Variants in PCGF5 observed in about 807,000 individuals in gnomAD.
PCGF5 encodes the protein polycomb group ring finger 5, also known as polycomb group RING finger protein 5.
A neutral mutation model predicts 44.3 loss-of-function variants in PCGF5; 9 were observed. That is an observed-to-expected ratio of 0.20 (90% CI 0.12 to 0.35). The LOEUF (loss-of-function observed/expected upper bound fraction) is 0.35, where lower values mean the gene tolerates loss of function less well. PCGF5 is among the 10% of genes least tolerant of loss of function. PCGF5 has a pLI of 1.00. For synonymous variants in PCGF5, 95 were observed against 102.5 expected, an observed-to-expected ratio of 0.93 and a Z score of 0.44; for missense variants, 146 against 305.3, an observed-to-expected ratio of 0.48 and a Z score of 3.89.
chr10:91,274,117 GTATATA>G (rs10686374), intron 9 of PCGF5, among the ~76,000 whole-genome samples: 3 of 151,382 alleles, frequency 2.0e-5, no homozygotes, highest in Non-Finnish European at 4.4e-5. Flanking sequence ...ATCTGTGTAT[GTATATA>G]TATATGTAAT....
intron 8 of PCGF5, among the ~76,000 whole-genome samples, chr10:91,271,364 A>G (rs1437586673): frequency 6.6e-6 from 1 of 152,208 alleles, no homozygotes; most frequent in African/African-American, 2.4e-5. Context: ...TAGTATTTGT[A>G]AAGGATATGG....
upstream of PCGF5, among the ~76,000 whole-genome samples, chr10:91,216,919 C>A (rs944686763): frequency 1.3e-5 from 2 of 152,148 alleles, no homozygotes; most frequent in African/African-American, 2.4e-5. Context: ...GTAATATTTT[C>A]TGTAATCTCT....
intron 6 of PCGF5, among the ~76,000 whole-genome samples, chr10:91,256,095 G>A (rs1479420386): frequency 6.6e-6 from 1 of 151,990 alleles, no homozygotes; most frequent in Non-Finnish European, 1.5e-5. Context: ...CCATACACAG[G>A]AAAAGAAGCA....
At position 91,281,086 on chromosome 10, in the gene PCGF5, T is replaced by C. The variant is rs988429847; in HGVS notation, c.*2770T>C. On this transcript the variant is annotated 3_prime_UTR_variant, in exon 10 of 10. Transcript: ENST00000336126. ...CTGTGGTTTATAAACATTACTTTAATTGAAGTAATCACATCAGTTAATAGA... is the reference window on the plus strand; with the variant it reads ...CTGTGGTTTATAAACATTACTTTAACTGAAGTAATCACATCAGTTAATAGA... 5.9e-5 allele frequency: 9 copies of C among 152,488 alleles called. No homozygotes were observed. The highest frequency in any genetic ancestry group is 1.9e-4 in the African/African-American group (8 of 41,438). 9.4% of individuals were successfully genotyped at this position (152,488 alleles called of 1,614,324 possible).
At position 91,223,000 on chromosome 10, in the gene PCGF5, G is replaced by A. The variant is rs1301019812; in HGVS notation, c.112+17G>A. 4.1e-6 allele frequency: 6 copies of A among 1,473,524 alleles called. No homozygotes were observed. Among genetic ancestry groups the A allele is most frequent in the Non-Finnish European group, 5.7e-6 (6 of 1,054,038 alleles). The allele number at this position is 1,473,524 out of a possible 1,614,324, so 91.3% of individuals were successfully genotyped here. The stretch of plus-strand genomic sequence containing the variant: ...TCCATACATGTAAGTATTCTTTTAG[G>A]TTATTATACCTATCAAAGTTTATAT... On this transcript the variant is annotated intron_variant, in intron 2 of 9. Transcript: ENST00000336126.
intron 1 of PCGF5, among the ~76,000 whole-genome samples, chr10:91,206,768 A>G (rs1323417359): frequency 2.0e-5 from 3 of 152,164 alleles, no homozygotes; most frequent in Admixed American, 2.0e-4. Flanking sequence ...TCCTGCCTCC[A>G]TGCCTTTGCC....
upstream of PCGF5, among the ~76,000 whole-genome samples, chr10:91,158,960 C>T (rs964883692): frequency 6.6e-6 from 1 of 152,184 alleles, no homozygotes; most frequent in African/African-American, 2.4e-5. Flanking sequence ...CCTTTCTCCC[C>T]TGGAACTTCA....
chr10:91,169,339 CTTTG>C (rs2133165227), intron 1 of PCGF5, among the ~76,000 whole-genome samples: 2 of 152,078 alleles, frequency 1.3e-5, no homozygotes, highest in East Asian at 3.9e-4. Context: ...AGAAATAAAC[CTTTG>C]TTTGAAGATG....
In PCGF5 at chr10:91,271,705, G is replaced by A; in HGVS notation, c.723+8G>A. The A allele has an allele frequency of 6.2e-7, 1 of 1,611,432 alleles. No individual in the cohort carries two copies. Among genetic ancestry groups the A allele is most frequent in the Non-Finnish European group, 8.5e-7 (1 of 1,177,716 alleles). On this transcript the variant is annotated splice_region_variant and intron_variant, in intron 9 of 9. Coordinates refer to ENST00000336126, the MANE Select transcript of PCGF5 (RefSeq NM_032373.5). ...GATGGCCCTTTGTATCAGGTAAGAG[G>A]CACTCACGACTGTACATATGACCAT...
chr10:91,217,792 G>A (rs188761102), upstream of PCGF5, among the ~76,000 whole-genome samples: 2 of 152,214 alleles, frequency 1.3e-5, no homozygotes, highest in Non-Finnish European at 2.9e-5. Flanking sequence ...GTTAATCTGT[G>A]TGTTTTTTCT....
chr10:91,213,633 T>C (rs1433910551), intron 1 of PCGF5, among the ~76,000 whole-genome samples: 1 of 150,284 alleles, frequency 6.7e-6, no homozygotes, highest in African/African-American at 2.5e-5. Context: ...CCAGGCTTTT[T>C]TTTTTCTTTT....
Position 91,203,562 on chromosome 10 carries a change from T to G in PCGF5, c.-183-19127T>G, listed in dbSNP as rs568797515. On this transcript the variant is annotated intron_variant, in intron 1 of 9. Coordinates refer to the PCGF5 transcript ENST00000614189. ...TGACTGTATACACTTCAGTCTTTCCTGTATTACATTGAACCAGATGTGCCA... is the reference window on the plus strand; with the variant it reads ...TGACTGTATACACTTCAGTCTTTCCGGTATTACATTGAACCAGATGTGCCA... Among the ~76,000 whole-genome samples the G allele has an allele frequency of 9.6e-4, 146 of 152,368 alleles. No individual in the cohort carries two copies. The South Asian group carries it at 0.014, about 14-fold the overall frequency.
chr10:91,214,918 T>C (rs1212290792), intron 1 of PCGF5, among the ~76,000 whole-genome samples: 4 of 152,254 alleles, frequency 2.6e-5, no homozygotes, highest in Non-Finnish European at 4.4e-5. Context: ...CAGGTTCTTA[T>C]TACAGAAAGT....
intron 1 of PCGF5, among the ~76,000 whole-genome samples, chr10:91,186,326 A>G (rs1262992676): frequency 1.3e-5 from 2 of 152,158 alleles, no homozygotes; most frequent in Non-Finnish European, 2.9e-5. Context: ...AGCAGTTTTC[A>G]TAGCTCACTA....
At chr10:91,183,271 G>C (rs772940342) in intron 1 of PCGF5, among the ~76,000 whole-genome samples, 2 of 151,934 alleles carry the variant, frequency 1.3e-5, no homozygotes, top group Non-Finnish European at 2.9e-5. Flanking sequence ...ATGAATCTGG[G>C]TGTTCCTGTG....
chr10:91,195,169 A>G (rs1348639372), intron 1 of PCGF5, among the ~76,000 whole-genome samples: 3 of 152,142 alleles, frequency 2.0e-5, no homozygotes, highest in African/African-American at 7.2e-5. Context: ...AGGGTCACAT[A>G]GATTGCCTGC....
At chr10:91,227,263 T>G (rs1448902567) in intron 2 of PCGF5, 1 of 470,242 alleles carries the variant, frequency 2.1e-6, no homozygotes, top group African/African-American at 2.0e-5. Context: ...TGTGAACTCA[T>G]GTATTCTGAG....
intron 2 of PCGF5, among the ~76,000 whole-genome samples, chr10:91,229,957 T>C (rs1216474588): frequency 6.6e-6 from 1 of 152,148 alleles, no homozygotes; most frequent in Non-Finnish European, 1.5e-5. Flanking sequence ...TTCATGAAAA[T>C]GATTATAATG....
At chr10:91,255,161 G>A (rs1247537823) in intron 6 of PCGF5, among the ~76,000 whole-genome samples, 7 of 152,070 alleles carry the variant, frequency 4.6e-5, no homozygotes, top group African/African-American at 1.7e-4. Context: ...CATGGAAAAA[G>A]CCTTCTCTGT....
Sources: allele counts gnomAD v4.1 joint callset (sites outside exome capture counted in the v4.1 genomes callset), GRCh38; gene constraint gnomAD v4.1.1; transcripts MANE v1.5; gene names NCBI Gene and HGNC (gene_info 2026-07-23, HGNC 2026-07-21).